The following HDAC4 variants were observed in gnomAD, a reference collection of about 807,000 sequenced individuals.
HDAC4 encodes the protein histone deacetylase 4, also known as histone deacetylase A.
Under a neutral mutation model 135.1 loss-of-function variants are expected in HDAC4, and 16 were observed. The observed-to-expected ratio is 0.12, with a 90% confidence interval of 0.08 to 0.18. The LOEUF is 0.18. Among genes scored for constraint, HDAC4 ranks in the 10% least tolerant of loss-of-function variants. HDAC4 has a pLI of 1.00. For missense variants in HDAC4, 1,143 were observed against 1,511.8 expected, an observed-to-expected ratio of 0.76 and a Z score of 4.05; for synonymous variants, 685 against 653.4, an observed-to-expected ratio of 1.05 and a Z score of -0.74.
chr2:239,143,712 G>A (rs6754748), intron 8 of HDAC4, among the ~76,000 whole-genome samples: 27 of 152,342 alleles, frequency 1.8e-4, no homozygotes, highest in African/African-American at 5.5e-4. Context: ...CCTGTGTGAT[G>A]CCAATGCTCG....
chr2:239,080,619 G>A (rs1435106893), intron 22 of HDAC4, among the ~76,000 whole-genome samples: 1 of 152,244 alleles, frequency 6.6e-6, no homozygotes, highest in African/African-American at 2.4e-5. Flanking sequence ...AAATGCTGAA[G>A]GGTCACAGCC....
intron 8 of HDAC4, 41 bp downstream of exon 8, chr2:239,144,542 G>A (rs770127560): frequency 1.2e-5 from 20 of 1,612,080 alleles, no homozygotes; most frequent in Admixed American, 1.7e-5. Flanking sequence ...AGGCCTGGCA[G>A]AGAGGGCAGC....
chr2:239,261,618 C>G (rs532268948), intron 2 of HDAC4, among the ~76,000 whole-genome samples: 217 of 152,344 alleles, frequency 1.4e-3, no homozygotes, highest in African/African-American at 5.0e-3. Flanking sequence ...GAGGAGCCTT[C>G]TGGTTCCCCC....
At chr2:239,395,964 C>G (rs1008032672) in intron 1 of HDAC4, among the ~76,000 whole-genome samples, 1 of 152,100 alleles carries the variant, frequency 6.6e-6, no homozygotes, top group Non-Finnish European at 1.5e-5. Context: ...TATGTTTATA[C>G]ATTACATATA....
intron 25 of HDAC4, among the ~76,000 whole-genome samples, chr2:239,054,309 C>T (rs1020067828): frequency 8.5e-5 from 13 of 152,196 alleles, no homozygotes; most frequent in African/African-American, 2.2e-4. Flanking sequence ...GCTTGAGGGT[C>T]GGTGCCAGAA....
intron 17 of HDAC4, 110 bp from the exon 18 acceptor site, chr2:239,090,226 G>C: frequency 1.3e-6 from 1 of 769,596 alleles, no homozygotes; most frequent in Non-Finnish European, 2.3e-6. Context: ...TGAAACCCCA[G>C]GGCCTACCAG....
At chr2:239,088,788 T>C (rs910599510) in intron 18 of HDAC4, among the ~76,000 whole-genome samples, 1 of 152,070 alleles carries the variant, frequency 6.6e-6, no homozygotes, top group Admixed American at 6.5e-5. Flanking sequence ...AATTACAAGT[T>C]TGGAACACAC....
chr2:239,206,405 C>CAT (rs948584948), intron 3 of HDAC4, among the ~76,000 whole-genome samples: 13 of 152,150 alleles, frequency 8.5e-5, no homozygotes, highest in Non-Finnish European at 1.8e-4. Flanking sequence ...CACACACACA[C>CAT]ACACACACAC....
At chr2:239,107,425 G>A (rs1575052089) in intron 15 of HDAC4, among the ~76,000 whole-genome samples, 3 of 152,150 alleles carry the variant, frequency 2.0e-5, no homozygotes, top group South Asian at 2.1e-4. Flanking sequence ...CAGCATCCCC[G>A]AAGCCTCCTC....
intron 26 of HDAC4, 64 bp from the exon 27 acceptor site, chr2:239,053,200 C>T (rs1238949371): frequency 1.9e-6 from 3 of 1,598,276 alleles, no homozygotes; most frequent in African/African-American, 1.3e-5. Context: ...GAGGAGAGAA[C>T]AGAACGTGGG....
chr2:239,109,994 C>T (rs898983124), intron 14 of HDAC4, among the ~76,000 whole-genome samples: 1 of 152,212 alleles, frequency 6.6e-6, no homozygotes, highest in Non-Finnish European at 1.5e-5. Flanking sequence ...CAGAGCCAGC[C>T]AGGAGACCAC....
At position 239,132,387 on chromosome 2, in the gene HDAC4, C is replaced by T. The variant is rs373227725; in HGVS notation, c.1294+1858G>A. 8.7e-4 allele frequency among the ~76,000 whole-genome samples: 133 copies of T among 152,302 alleles called. 3 individuals carry two copies. In the South Asian group the frequency reaches 0.027, roughly 31 times the overall value. ...CCTGCCAGGGGGTTTGCAGGATGAGCTGCTGGCAACCTGGGGAGGCTGTGC... is the reference window on the plus strand; with the variant it reads ...CCTGCCAGGGGGTTTGCAGGATGAGTTGCTGGCAACCTGGGGAGGCTGTGC... On this transcript the variant is annotated intron_variant, in intron 11 of 26. Transcript: ENST00000543185.
intron 1 of HDAC4, among the ~76,000 whole-genome samples, chr2:239,384,009 A>G (rs1695610717): frequency 6.6e-6 from 1 of 152,186 alleles, no homozygotes; most frequent in South Asian, 2.1e-4. Flanking sequence ...GTGAGTAACG[A>G]GGCGCAGTCC....
At chr2:239,173,489 G>A (rs78680614) in intron 5 of HDAC4, among the ~76,000 whole-genome samples, 1,683 of 152,214 alleles carry the variant, frequency 0.011, 22 homozygotes, top group African/African-American at 0.036. Flanking sequence ...AACAAGGAAT[G>A]GAAGGGAAAC....
intron 2 of HDAC4, among the ~76,000 whole-genome samples, chr2:239,326,831 C>T (rs922212429): frequency 6.6e-6 from 1 of 152,240 alleles, no homozygotes; most frequent in African/African-American, 2.4e-5. Flanking sequence ...GAGACCCCCA[C>T]ATCCACCGCA....
intron 14 of HDAC4, 61 bp downstream of exon 14, chr2:239,111,465 C>A (rs370985451): frequency 5.6e-5 from 84 of 1,503,168 alleles, no homozygotes; most frequent in Non-Finnish European, 7.3e-5. Flanking sequence ...GAAGAGCCCC[C>A]CGCGCTGTGC....
At chr2:239,203,059 C>T (rs1447619586) in intron 3 of HDAC4, among the ~76,000 whole-genome samples, 1 of 152,196 alleles carries the variant, frequency 6.6e-6, no homozygotes, top group East Asian at 1.9e-4. Flanking sequence ...CTCAGCCCTA[C>T]AGGCACACAG....
At chr2:239,323,574 TGA>T (rs1419922683) in intron 2 of HDAC4, among the ~76,000 whole-genome samples, 6 of 152,004 alleles carry the variant, frequency 3.9e-5, no homozygotes, top group African/African-American at 1.2e-4. Flanking sequence ...CAGTGCTAGG[TGA>T]GAGAGGAGGC....
intron 2 of HDAC4, among the ~76,000 whole-genome samples, chr2:239,254,271 G>T (rs1291980775): frequency 1.3e-5 from 2 of 152,162 alleles, no homozygotes; most frequent in Admixed American, 1.3e-4. Flanking sequence ...GTCCCCTGCT[G>T]AAGAGTTTAC....
Sources: allele counts gnomAD v4.1 joint callset (sites outside exome capture counted in the v4.1 genomes callset), GRCh38; gene constraint gnomAD v4.1.1; transcripts MANE v1.5; gene names NCBI Gene and HGNC (gene_info 2026-07-23, HGNC 2026-07-21).